The following CHST15 variants were observed in gnomAD, a reference collection of about 807,000 sequenced individuals.
CHST15 encodes the protein carbohydrate sulfotransferase 15, also known as B cell RAG associated protein (GALNAC4S-6ST).
Under a neutral mutation model 53.6 loss-of-function variants are expected in CHST15, and 30 were observed. That is an observed-to-expected ratio of 0.56 (90% CI 0.42 to 0.76). The LOEUF (loss-of-function observed/expected upper bound fraction) is 0.76. CHST15 is among the 30% of genes least tolerant of loss of function. The probability of loss-of-function intolerance (pLI) is 0.00; values close to 1 mark genes in which losing one functional copy is unlikely to be tolerated. For synonymous variants in CHST15, 296 were observed against 289.8 expected (o/e 1.02, Z -0.22); for missense variants, 627 against 740.5 (o/e 0.85, Z 1.78).
intron 1 of CHST15, among the ~76,000 whole-genome samples, chr10:124,078,613 G>A (rs1949149416): frequency 6.6e-6 from 1 of 152,130 alleles, no homozygotes. Flanking sequence ...GTGGACCCGT[G>A]GAACCTGTGA....
intron 5 of CHST15, among the ~76,000 whole-genome samples, chr10:124,033,460 A>T (rs868759219): frequency 6.6e-6 from 1 of 152,182 alleles, no homozygotes; most frequent in Admixed American, 6.5e-5. Flanking sequence ...GTCCTCAGTG[A>T]TCCCCGGTTC....
At chr10:124,066,975 C>T (rs1054972195) in intron 1 of CHST15, among the ~76,000 whole-genome samples, 12 of 152,262 alleles carry the variant, frequency 7.9e-5, no homozygotes, top group Admixed American at 3.3e-4. Context: ...ACCCGCAAGG[C>T]GCTCTGCAGC....
chr10:124,008,280 G>A lies in CHST15; in HGVS notation c.*1869C>T, dbSNP rs543115233. The A allele has an allele frequency of 1.3e-5, 15 of 1,157,722 alleles. No homozygotes were observed. The Admixed American group carries it at 2.4e-4, about 18-fold the overall frequency. The allele number at this position is 1,157,722 out of a possible 1,614,324, so 71.7% of individuals were successfully genotyped here. Reference sequence around the variant, plus strand: ...TCTATAAAAGGGTTGTGTCCAGAGCGGAGGAGCCTCATTAGCAACTGAACA... The same window carrying A: ...TCTATAAAAGGGTTGTGTCCAGAGCAGAGGAGCCTCATTAGCAACTGAACA... On this transcript the variant is annotated 3_prime_UTR_variant, in exon 8 of 8. Transcript: ENST00000435907.
intron 7 of CHST15, chr10:124,011,023 C>A: frequency 5.1e-6 from 5 of 985,140 alleles, no homozygotes; most frequent in Non-Finnish European, 6.0e-6. Flanking sequence ...TGTCAGTCAC[C>A]GCCACGCCCC....
At position 124,036,673 on chromosome 10, in the gene CHST15, C is replaced by CAA. The variant is rs1488000604; in HGVS notation, c.1190+1841_1190+1842insTT. On this transcript the variant is annotated intron_variant, in intron 5 of 7. Coordinates refer to ENST00000435907, the MANE Select transcript of CHST15 (RefSeq NM_001270764.2). The surrounding 1 kb of genome is among the most constrained non-coding windows in gnomAD (Gnocchi z 5.1). ...TGTCACACCCATGTGCACACACACACACACACACACTTATTTGCATAGAAA... is the reference window on the plus strand; with the variant it reads ...TGTCACACCCATGTGCACACACACACAAACACACACACTTATTTGCATAGAAA... Among the ~76,000 whole-genome samples the CAA allele has an allele frequency of 6.6e-6, 1 of 152,132 alleles. No individual in the cohort carries two copies. The highest frequency in any genetic ancestry group is 2.4e-5 in the African/African-American group (1 of 41,398).
At chr10:124,059,894 A>G (rs531126761) in intron 1 of CHST15, among the ~76,000 whole-genome samples, 2 of 152,322 alleles carry the variant, frequency 1.3e-5, no homozygotes, top group Admixed American at 6.5e-5. Flanking sequence ...GGAAAGACCA[A>G]GCAACCCAAA....
chr10:124,076,840 G>A (rs989350740), intron 1 of CHST15, among the ~76,000 whole-genome samples: 2 of 152,006 alleles, frequency 1.3e-5, no homozygotes, highest in Admixed American at 1.3e-4. Flanking sequence ...CTCCCGAGGA[G>A]CTGGGACTAC....
chr10:124,059,886 A>G, intron 1 of CHST15, among the ~76,000 whole-genome samples: 1 of 152,184 alleles, frequency 6.6e-6, no homozygotes, highest in East Asian at 1.9e-4. Flanking sequence ...TTTCTGATGG[A>G]AAGACCAAGC....
At chr10:124,078,058 A>T (rs1014928423) in intron 1 of CHST15, among the ~76,000 whole-genome samples, 3 of 152,238 alleles carry the variant, frequency 2.0e-5, no homozygotes, top group African/African-American at 7.2e-5. Context: ...TTCTAGCTCT[A>T]CGGGTAGAAT....
chr10:124,026,113 G>A (rs1214471321), intron 5 of CHST15, among the ~76,000 whole-genome samples: 1 of 152,208 alleles, frequency 6.6e-6, no homozygotes, highest in Non-Finnish European at 1.5e-5. Flanking sequence ...GCCACCCTGA[G>A]ACCCTGGAAC....
At chr10:124,020,241 G>A (rs766851051) in intron 6 of CHST15, 72 of 985,340 alleles carry the variant, frequency 7.3e-5, no homozygotes, top group Non-Finnish European at 8.4e-5. Context: ...CAAAGCAACT[G>A]AGTCTCAGAA....
intron 1 of CHST15, among the ~76,000 whole-genome samples, chr10:124,052,512 C>T (rs1366432083): frequency 6.6e-6 from 1 of 152,210 alleles, no homozygotes; most frequent in Non-Finnish European, 1.5e-5. Context: ...CTTAAGGTTT[C>T]TGGGCCTCTG....
At chr10:124,032,880 C>T (rs921328894) in intron 5 of CHST15, among the ~76,000 whole-genome samples, 1 of 149,020 alleles carries the variant, frequency 6.7e-6, no homozygotes, top group South Asian at 2.1e-4. Context: ...TTTGACTTTG[C>T]TTAAAATTCC....
chr10:124,035,508 T>C (rs1238870724), intron 5 of CHST15, among the ~76,000 whole-genome samples: 17 of 135,522 alleles, frequency 1.3e-4, no homozygotes, highest in African/African-American at 4.3e-4. Flanking sequence ...TACCCTGGCT[T>C]CATCCCCTAA....
rs1946316936 is a variant in CHST15, at chr10:124,007,985, AG to A, written c.*2163del. 1.7e-5 allele frequency: 3 copies of A among 177,958 alleles called. No individual in the cohort carries two copies. Among genetic ancestry groups the A allele is most frequent in the East Asian group, 2.2e-3 (1 of 446 alleles). 11.0% of individuals were successfully genotyped at this position (177,958 alleles called of 1,614,324 possible). On this transcript the variant is annotated 3_prime_UTR_variant, in exon 8 of 8. Transcript: ENST00000435907. ...CAGAGGCAGCCGAAGTGCCCTCTGG[AG>A]AGAAAGGCCCCTGGAGGGAAAAACC...
intron 3 of CHST15, among the ~76,000 whole-genome samples, chr10:124,042,916 C>G (rs570831369): frequency 6.6e-6 from 1 of 152,216 alleles, no homozygotes; most frequent in East Asian, 1.9e-4. Context: ...ATGCCTTCCT[C>G]ATGGGGCCCA....
intron 1 of CHST15, among the ~76,000 whole-genome samples, chr10:124,073,103 C>T (rs1948971836): frequency 6.6e-6 from 1 of 152,210 alleles, no homozygotes; most frequent in African/African-American, 2.4e-5. Flanking sequence ...CAATTCCAAT[C>T]CTAGCTACGT....
intron 1 of CHST15, among the ~76,000 whole-genome samples, chr10:124,077,593 C>A (rs1384871166): frequency 6.6e-6 from 1 of 152,254 alleles, no homozygotes; most frequent in Non-Finnish European, 1.5e-5. Context: ...GGCCCTCCAA[C>A]CAGTGCCCTG....
Position 124,046,126 on chromosome 10 carries a change from G to A in CHST15, c.87C>T (p.His29=), listed in dbSNP as rs753051706. ...QQVNCQGGPH[H]GHQACPTCKG... ...TGCACGTGGGGCACGCCTGGTGACC[G>A]TGATGGGGGCCCCCTTGGCAGTTGA... Residue 29 remains histidine, a synonymous_variant, in exon 2 of 8, where the codon CAC becomes CAT. Coordinates refer to ENST00000435907, the MANE Select transcript of CHST15 (RefSeq NM_001270764.2). 2.2e-5 allele frequency: 35 copies of A among 1,614,088 alleles called. No individual in the cohort carries two copies. Among genetic ancestry groups the A allele is most frequent in the African/African-American group, 8.0e-5 (6 of 74,940 alleles).
Sources: gnomAD v4.1 joint callset for allele counts (sites outside exome capture counted in the v4.1 genomes callset) on GRCh38, gnomAD v4.1.1 for gene constraint, Gnocchi (gnomAD v3.1) non-coding constraint, MANE v1.5 for transcripts, NCBI Gene and HGNC (gene_info 2026-07-23, HGNC 2026-07-21) for gene names.